The following BCAS1 variants were observed in gnomAD, a reference collection of about 807,000 sequenced individuals.
BCAS1 encodes breast carcinoma-amplified sequence 1.
In BCAS1, 46 loss-of-function variants were observed where a neutral mutation model predicts 65.4. That is an observed-to-expected ratio of 0.70 (90% confidence interval 0.55 to 0.90). The LOEUF (loss-of-function observed/expected upper bound fraction) is 0.90. Among genes scored for constraint, BCAS1 ranks in the 40% least tolerant of loss-of-function variants. The probability of loss-of-function intolerance (pLI) is 0.00; values close to 1 mark genes in which losing one functional copy is unlikely to be tolerated. For synonymous variants in BCAS1, 298 were observed against 293.5 expected (o/e 1.02, Z -0.16); for missense variants, 793 against 771.2 (o/e 1.03, Z -0.33).
intron 10 of BCAS1, among the ~76,000 whole-genome samples, chr20:53,959,728 G>C (rs2089817043): frequency 1.3e-5 from 2 of 152,118 alleles, no homozygotes; most frequent in Admixed American, 1.3e-4. Context: ...GTGGTGTCTG[G>C]AAGTTCCGTG....
chr20:54,058,853 T>G, intron 1 of BCAS1, 130 bp from the exon 2 acceptor site: 2 of 1,003,630 alleles, frequency 2.0e-6, no homozygotes, highest in Non-Finnish European at 2.9e-6. Context: ...CAGAACAAAT[T>G]GCTTGTATTA....
intron 3 of BCAS1, among the ~76,000 whole-genome samples, chr20:54,044,903 A>T (rs2092071673): frequency 6.6e-6 from 1 of 151,878 alleles, no homozygotes. Context: ...TTGGATAAAC[A>T]TTACGAGTTT....
At chr20:53,975,624 T>C (rs1157515426) in intron 8 of BCAS1, among the ~76,000 whole-genome samples, 194 bp from the exon 9 acceptor site, 2 of 151,782 alleles carry the variant, frequency 1.3e-5, no homozygotes, top group Non-Finnish European at 2.9e-5. Flanking sequence ...TATATAGTTA[T>C]GTATTTTAAA....
At chr20:54,069,612 G>A (rs2092490129) in intron 1 of BCAS1, among the ~76,000 whole-genome samples, 1 of 152,202 alleles carries the variant, frequency 6.6e-6, no homozygotes, top group Admixed American at 6.5e-5. Context: ...TTGTAAAATG[G>A]AGACGATGGT....
At chr20:53,945,143 T>C (rs1399284259) in intron 12 of BCAS1, 147 bp from the exon 13 acceptor site, 7 of 719,432 alleles carry the variant, frequency 9.7e-6, no homozygotes, top group Non-Finnish European at 1.7e-5. Context: ...GAGAATGGTC[T>C]CCAGTCAGAT....
At chr20:53,957,895 T>C (rs2089751740) in intron 10 of BCAS1, among the ~76,000 whole-genome samples, 2 of 147,586 alleles carry the variant, frequency 1.4e-5, no homozygotes, top group East Asian at 2.0e-4. Context: ...TTTTTTTTTT[T>C]TCTCTCCTTG....
At position 53,948,512 on chromosome 20, in the gene BCAS1, C is replaced by CTG. The variant is rs2089406913; in HGVS notation, c.1816-3517_1816-3516insCA. Among the ~76,000 whole-genome samples, 3 of 152,208 alleles carry CTG rather than the reference C, an allele frequency of 2.0e-5. No individual in the cohort carries two copies. In the South Asian group the frequency reaches 6.2e-4, roughly 32 times the overall value. Reference sequence around the variant, plus strand: ...TGTGGCTGGTGCTGAGGAGGGGCACCCCCTTTAGGTGGGCACCTGCCCTTC... The same window carrying CTG: ...TGTGGCTGGTGCTGAGGAGGGGCACCTGCCCTTTAGGTGGGCACCTGCCCTTC... On this transcript the variant is annotated intron_variant, in intron 12 of 12. Coordinates refer to ENST00000688948, the MANE Select transcript of BCAS1 (RefSeq NM_001366298.2).
Position 53,967,091 on chromosome 20 carries a change from G to T in BCAS1, c.1318-18C>A, listed in dbSNP as rs1269734715. 6.3e-7 allele frequency: 1 copy of T among 1,597,674 alleles called. No homozygotes were observed. The highest frequency in any genetic ancestry group is 1.8e-5 in the Admixed American group (1 of 55,842). On this transcript the variant is annotated intron_variant, in intron 9 of 12. Coordinates refer to ENST00000688948, the MANE Select transcript of BCAS1 (RefSeq NM_001366298.2). ...CACACCACCTGGATTATTTTGCCAG[G>T]TAATAAGAAAATGAAAAACAAAACA...
intron 3 of BCAS1, among the ~76,000 whole-genome samples, chr20:54,041,626 G>GT (rs2091994413): frequency 6.6e-6 from 1 of 152,136 alleles, no homozygotes; most frequent in African/African-American, 2.4e-5. Flanking sequence ...CTTAACGCCT[G>GT]TAATCCTAGC....
chr20:54,044,946 C>T lies in BCAS1; in HGVS notation c.142+13139G>A, dbSNP rs143332650. Among the ~76,000 whole-genome samples, 16 of 152,038 alleles carry T rather than the reference C, an allele frequency of 1.1e-4. No individual in the cohort carries two copies. The East Asian group carries it at 1.9e-3, about 18-fold the overall frequency. ...CTTATGCCAGAGGAGTGCTGTGACT[C>T]GTGCCTCTAATCCCAGCAATGTGGG... On this transcript the variant is annotated intron_variant, in intron 3 of 12. Transcript: ENST00000688948.
intron 4 of BCAS1, among the ~76,000 whole-genome samples, chr20:54,024,415 T>G (rs570829310): frequency 2.9e-4 from 44 of 152,270 alleles, no homozygotes; most frequent in Non-Finnish European, 5.9e-4. Context: ...CTGGACACAT[T>G]AGGGTTGAGA....
At chr20:54,041,872 C>A (rs1259434864) in intron 3 of BCAS1, among the ~76,000 whole-genome samples, 1 of 86,968 alleles carries the variant, frequency 1.1e-5, no homozygotes, top group Non-Finnish European at 2.4e-5. Flanking sequence ...GCACTCTAAC[C>A]TGGGCAACAG....
In BCAS1 at chr20:53,961,866, C is replaced by G. The variant is rs932907852; in HGVS notation, c.1486-4369G>C. 2.0e-5 allele frequency among the ~76,000 whole-genome samples: 3 copies of G among 152,216 alleles called. No homozygotes were observed. In the East Asian group the frequency reaches 5.8e-4, roughly 29 times the overall value. ...AAATCCCATAAATACTCACTAGTCT[C>G]TGTGTCCTTATGTCCATCATGGGGC... On this transcript the variant is annotated intron_variant, in intron 10 of 12. Coordinates refer to ENST00000688948, the MANE Select transcript of BCAS1 (RefSeq NM_001366298.2).
intron 3 of BCAS1, among the ~76,000 whole-genome samples, chr20:54,049,932 A>C (rs1431617401): frequency 4.6e-5 from 7 of 152,186 alleles, no homozygotes; most frequent in Non-Finnish European, 1.0e-4. Flanking sequence ...ATATGGTTCC[A>C]TTTCCGATTG....
intron 4 of BCAS1, among the ~76,000 whole-genome samples, chr20:54,025,931 TA>T (rs1259177120): frequency 6.6e-6 from 1 of 152,198 alleles, no homozygotes; most frequent in Non-Finnish European, 1.5e-5. Context: ...TTGTTGTTGT[TA>T]AAAACCTTTG....
intron 4 of BCAS1, among the ~76,000 whole-genome samples, chr20:54,002,038 G>GT (rs1449217664): frequency 2.7e-5 from 4 of 147,122 alleles, no homozygotes; most frequent in Non-Finnish European, 5.9e-5. Context: ...TCTGGTGGTT[G>GT]GTTTTTTTTT....
chr20:54,021,671 G>A (rs1180284952), intron 4 of BCAS1, among the ~76,000 whole-genome samples: 1 of 151,996 alleles, frequency 6.6e-6, no homozygotes, highest in Non-Finnish European at 1.5e-5. Context: ...ATAAGTGGGA[G>A]ATGAACAATG....
intron 4 of BCAS1, among the ~76,000 whole-genome samples, chr20:53,996,461 TAAA>T (rs143929524): frequency 2.3e-3 from 210 of 92,196 alleles, no homozygotes; most frequent in African/African-American, 6.8e-3. Context: ...TTATATCAAC[TAAA>T]AAAAAAAAAA....
chr20:53,985,629 G>T, intron 7 of BCAS1, 130 bp from the exon 8 acceptor site: 1 of 827,776 alleles, frequency 1.2e-6, no homozygotes, highest in Non-Finnish European at 1.8e-6. Flanking sequence ...ATATTTTTCT[G>T]TATTTTAAAA....
Sources: allele counts gnomAD v4.1 joint callset (sites outside exome capture counted in the v4.1 genomes callset), GRCh38; gene constraint gnomAD v4.1.1; transcripts MANE v1.5; gene names NCBI Gene and HGNC (gene_info 2026-07-23, HGNC 2026-07-21).